The following PLXDC2 variants were observed in gnomAD, a reference collection of about 807,000 sequenced individuals.
The protein encoded by PLXDC2 is plexin domain-containing protein 2.
Under a neutral mutation model 68.9 loss-of-function variants are expected in PLXDC2, and 40 were observed. That is an observed-to-expected ratio of 0.58 (90% CI 0.45 to 0.76). PLXDC2 has a LOEUF of 0.76. Ranked by LOEUF, PLXDC2 falls within the 30% of genes least tolerant of loss-of-function variation. PLXDC2 has a pLI of 0.00. For missense variants in PLXDC2, 644 were observed against 661.9 expected, an observed-to-expected ratio of 0.97 and a Z score of 0.30; for synonymous variants, 243 against 234.2, an observed-to-expected ratio of 1.04 and a Z score of -0.34.
chr10:20,225,019 T>C (rs933013442), intron 12 of PLXDC2, among the ~76,000 whole-genome samples: 1 of 152,182 alleles, frequency 6.6e-6, no homozygotes, highest in Non-Finnish European at 1.5e-5. Context: ...TTAAGCAGTT[T>C]GAAGATCATG....
In PLXDC2 at chr10:20,196,460, A is replaced by G. The variant is rs573361805; in HGVS notation, c.1062-15209A>G. 4.9e-4 allele frequency among the ~76,000 whole-genome samples: 74 copies of G among 152,274 alleles called. 1 individual carries two copies. In the South Asian group the frequency reaches 0.015, roughly 31 times the overall value. On this transcript the variant is annotated intron_variant, in intron 9 of 13. Coordinates refer to ENST00000377252, the MANE Select transcript of PLXDC2 (RefSeq NM_032812.9). ...AACTGACATTTGTTGAGCACCTTCT[A>G]TGTAAAACACCAAAAGAGTGCCTTG...
intron 4 of PLXDC2, among the ~76,000 whole-genome samples, chr10:20,072,657 G>A (rs570270071): frequency 2.6e-5 from 4 of 152,158 alleles, no homozygotes; most frequent in African/African-American, 9.7e-5. Context: ...TAGGGTGAAG[G>A]GGGTGAAGGC....
chr10:20,269,160 C>T (rs764845066), intron 13 of PLXDC2, among the ~76,000 whole-genome samples: 2 of 152,286 alleles, frequency 1.3e-5, no homozygotes, highest in Non-Finnish European at 2.9e-5. Flanking sequence ...AAGAACTATT[C>T]TGTATATGTC....
intron 1 of PLXDC2, among the ~76,000 whole-genome samples, chr10:19,842,279 T>C (rs980146248): frequency 2.6e-5 from 4 of 152,216 alleles, no homozygotes; most frequent in African/African-American, 9.7e-5. Context: ...TGGAGTCATT[T>C]TGATAACCTG....
intron 1 of PLXDC2, among the ~76,000 whole-genome samples, chr10:19,843,435 G>A (rs1478221219): frequency 6.6e-6 from 1 of 152,006 alleles, no homozygotes; most frequent in Admixed American, 6.6e-5. Flanking sequence ...CACCATCCAC[G>A]GGTACCACTG....
intron 4 of PLXDC2, among the ~76,000 whole-genome samples, chr10:20,125,007 T>G (rs1391511741): frequency 6.6e-6 from 1 of 152,136 alleles, no homozygotes; most frequent in Non-Finnish European, 1.5e-5. Context: ...CAGCAACAAC[T>G]TGTAGTTTCT....
chr10:19,961,321 T>C (rs1452662751), intron 1 of PLXDC2, among the ~76,000 whole-genome samples: 1 of 152,242 alleles, frequency 6.6e-6, no homozygotes, highest in Admixed American at 6.5e-5. Context: ...AGTGGTACTC[T>C]GATGATCAAT....
At chr10:20,138,377 A>G (rs373277049) in intron 4 of PLXDC2, among the ~76,000 whole-genome samples, 9 of 152,282 alleles carry the variant, frequency 5.9e-5, no homozygotes, top group South Asian at 2.1e-4. Context: ...AATGACCTCA[A>G]GAGAAGTAAA....
At chr10:19,991,056 G>C (rs1589573587) in intron 1 of PLXDC2, among the ~76,000 whole-genome samples, 1 of 152,050 alleles carries the variant, frequency 6.6e-6, no homozygotes, top group Non-Finnish European at 1.5e-5. Context: ...AGACCAGCCT[G>C]ACCAACATGG....
chr10:19,948,867 G>A (rs1387828706), intron 1 of PLXDC2, among the ~76,000 whole-genome samples: 3 of 151,848 alleles, frequency 2.0e-5, no homozygotes, highest in Admixed American at 6.6e-5. Flanking sequence ...TACATTGGCC[G>A]GGCGCGGTGG....
chr10:20,116,820 GT>G (rs1833628673), intron 4 of PLXDC2, among the ~76,000 whole-genome samples: 1 of 152,008 alleles, frequency 6.6e-6, no homozygotes, highest in African/African-American at 2.4e-5. Context: ...TTTGATAGTT[GT>G]TTTAGGTCTC....
chr10:19,885,272 G>A (rs1837820845), intron 1 of PLXDC2, among the ~76,000 whole-genome samples: 1 of 151,090 alleles, frequency 6.6e-6, no homozygotes, highest in Non-Finnish European at 1.5e-5. Context: ...CAGATGAGTA[G>A]GTTGCGAAAA....
intron 1 of PLXDC2, among the ~76,000 whole-genome samples, chr10:19,820,188 C>G (rs558976862): frequency 6.6e-6 from 1 of 152,092 alleles, no homozygotes; most frequent in Admixed American, 6.6e-5. Flanking sequence ...TTATTATAAT[C>G]AGGAGAATTT....
At chr10:20,098,526 A>G (rs753957975) in intron 4 of PLXDC2, among the ~76,000 whole-genome samples, 18 of 152,140 alleles carry the variant, frequency 1.2e-4, no homozygotes, top group Non-Finnish European at 2.4e-4. Flanking sequence ...ACATTTTCCC[A>G]TATAAAGTAA....
intron 2 of PLXDC2, among the ~76,000 whole-genome samples, chr10:20,042,424 C>A (rs1379170193): frequency 6.6e-6 from 1 of 152,094 alleles, no homozygotes; most frequent in African/African-American, 2.4e-5. Flanking sequence ...TTGGCAAGAA[C>A]CATTCAAATT....
chr10:20,193,845 A>G (rs1741641152), intron 9 of PLXDC2, among the ~76,000 whole-genome samples: 1 of 152,130 alleles, frequency 6.6e-6, no homozygotes, highest in African/African-American at 2.4e-5. Context: ...GAGCTGCATA[A>G]CAGTCTAATG....
chr10:19,921,276 G>C (rs1564629288), intron 1 of PLXDC2, among the ~76,000 whole-genome samples: 1 of 152,066 alleles, frequency 6.6e-6, no homozygotes, highest in Non-Finnish European at 1.5e-5. Context: ...AAATCATCTT[G>C]ATTTTTATGT....
intron 1 of PLXDC2, among the ~76,000 whole-genome samples, chr10:19,893,017 A>G (rs1314958204): frequency 6.6e-6 from 1 of 151,192 alleles, no homozygotes; most frequent in Non-Finnish European, 1.5e-5. Flanking sequence ...TTAGAGATCT[A>G]GATTTACTTT....
intron 9 of PLXDC2, among the ~76,000 whole-genome samples, chr10:20,208,412 G>T (rs918841559): frequency 6.0e-5 from 9 of 150,200 alleles, no homozygotes; most frequent in African/African-American, 2.0e-4. Context: ...AGAACAGTAT[G>T]GGGGAAACTG....
Sources: gnomAD v4.1 joint callset for allele counts (sites outside exome capture counted in the v4.1 genomes callset) on GRCh38, gnomAD v4.1.1 for gene constraint, MANE v1.5 for transcripts, NCBI Gene and HGNC (gene_info 2026-07-23, HGNC 2026-07-21) for gene names.